Variants in USO1 observed in about 807,000 individuals in gnomAD.
USO1 encodes USO1 vesicle transport factor.
Under a neutral mutation model 124.5 loss-of-function variants are expected in USO1, and 57 were observed. That is an observed-to-expected ratio of 0.46 (90% CI 0.37 to 0.57). The LOEUF is 0.57. USO1 is among the 20% of genes least tolerant of loss of function. The pLI, the probability that USO1 is intolerant of heterozygous loss-of-function variation, is 0.00. For missense variants in USO1, 900 were observed against 1,040.6 expected (o/e 0.86, Z 1.86); for synonymous variants, 369 against 362.8 (o/e 1.02, Z -0.19).
At chr4:75,800,987 A>G (rs1275643083) in intron 16 of USO1, 92 bp from the exon 17 acceptor site, 10 of 1,375,452 alleles carry the variant, frequency 7.3e-6, no homozygotes, top group South Asian at 3.1e-5. Flanking sequence ...CTTACCTATC[A>G]TGGAGTTAGG....
rs543121342 is a variant in USO1, at chr4:75,758,306, C to T, written c.295+733C>T. Among the ~76,000 whole-genome samples the T allele has an allele frequency of 1.1e-4, 17 of 152,102 alleles. No homozygotes were observed. In the East Asian group the frequency reaches 1.3e-3, roughly 12 times the overall value. On this transcript the variant is annotated intron_variant, in intron 4 of 23. Coordinates refer to ENST00000514213, the MANE Select transcript of USO1 (RefSeq NM_003715.4). Reference sequence around the variant, plus strand: ...TATCAAATTGGCTGTTACAGTAGGACGTAGTAGATTTTTCATTATTCTGTA... The same window carrying T: ...TATCAAATTGGCTGTTACAGTAGGATGTAGTAGATTTTTCATTATTCTGTA...
At chr4:75,802,973 A>G (rs1237146015) in intron 17 of USO1, among the ~76,000 whole-genome samples, 1 of 149,716 alleles carries the variant, frequency 6.7e-6, no homozygotes, top group Non-Finnish European at 1.5e-5. Context: ...AATCCCAGCT[A>G]CTCAGGAGGA....
chr4:75,747,602 CTTTTTTTTTTTTT>C (rs59636038), intron 1 of USO1, among the ~76,000 whole-genome samples: 2 of 83,684 alleles, frequency 2.4e-5, no homozygotes, highest in East Asian at 3.2e-4. Context: ...TCACCTTTGA[CTTTTTTTTTTTTT>C]TTTTTTTTTT....
At chr4:75,744,098 G>A (rs1326171563) in intron 1 of USO1, among the ~76,000 whole-genome samples, 1 of 151,852 alleles carries the variant, frequency 6.6e-6, no homozygotes, top group Non-Finnish European at 1.5e-5. Flanking sequence ...TTTTTTATTA[G>A]ATCCAACAGC....
intron 7 of USO1, among the ~76,000 whole-genome samples, chr4:75,774,121 A>C (rs1176395161): frequency 1.3e-5 from 2 of 152,186 alleles, no homozygotes; most frequent in Non-Finnish European, 2.9e-5. Flanking sequence ...GGCTGCTGTG[A>C]ATTGTCTTGT....
intron 4 of USO1, among the ~76,000 whole-genome samples, chr4:75,759,245 C>T (rs374851481): frequency 0.051 from 581 of 11,484 alleles, 12 homozygotes; most frequent in African/African-American, 0.19. Context: ...TTATTAAGGA[C>T]CTTTTTTTTT....
At chr4:75,802,183 A>C (rs1722870056) in intron 17 of USO1, among the ~76,000 whole-genome samples, 1 of 152,234 alleles carries the variant, frequency 6.6e-6, no homozygotes, top group African/African-American at 2.4e-5. Flanking sequence ...ATTCATTCTA[A>C]GCTTTTCAGT....
At chr4:75,810,675 C>A in intron 22 of USO1, 136 bp downstream of exon 22, 1 of 1,110,418 alleles carries the variant, frequency 9.0e-7, no homozygotes, top group Non-Finnish European at 1.2e-6. Context: ...ATTTTCACTC[C>A]TATATTGATG....
intron 1 of USO1, among the ~76,000 whole-genome samples, chr4:75,726,119 T>C (rs1375587287): frequency 6.6e-6 from 1 of 152,020 alleles, no homozygotes; most frequent in African/African-American, 2.4e-5. Flanking sequence ...CCGTCTCTAC[T>C]AAAAATACAG....
intron 7 of USO1, among the ~76,000 whole-genome samples, chr4:75,772,002 A>G (rs1380518005): frequency 6.6e-6 from 1 of 152,194 alleles, no homozygotes; most frequent in East Asian, 1.9e-4. Context: ...TGTCTTACTC[A>G]TCTTTTTATT....
chr4:75,790,437 T>A (rs1374603238), intron 11 of USO1, among the ~76,000 whole-genome samples, 199 bp downstream of exon 11: 2 of 152,346 alleles, frequency 1.3e-5, no homozygotes, highest in Non-Finnish European at 1.5e-5. Flanking sequence ...GATTCAGATA[T>A]CATGTCGTCC....
intron 4 of USO1, among the ~76,000 whole-genome samples, chr4:75,766,153 T>C (rs187265068): frequency 1.3e-5 from 2 of 152,268 alleles, no homozygotes; most frequent in East Asian, 3.9e-4. Flanking sequence ...CATATAACTT[T>C]TATGAGAAAG....
intron 9 of USO1, among the ~76,000 whole-genome samples, chr4:75,785,804 G>A (rs2149177617): frequency 6.6e-6 from 1 of 152,148 alleles, no homozygotes; most frequent in Admixed American, 6.5e-5. Context: ...AGAATTATTT[G>A]TGGTACAATT....
At chr4:75,725,750 A>G (rs541462567) in intron 1 of USO1, among the ~76,000 whole-genome samples, 1 of 152,190 alleles carries the variant, frequency 6.6e-6, no homozygotes, top group East Asian at 1.9e-4. Context: ...TTTGAAATAA[A>G]CTTTTTATTT....
At chr4:75,787,237 A>T in intron 10 of USO1, 35 bp downstream of exon 10, 4 of 1,428,984 alleles carry the variant, frequency 2.8e-6, no homozygotes, top group Non-Finnish European at 3.7e-6. Flanking sequence ...ACTCTGTGGA[A>T]GTTGAAATCC....
At chr4:75,728,123 GAC>G (rs1281586822) in intron 1 of USO1, among the ~76,000 whole-genome samples, 1 of 152,072 alleles carries the variant, frequency 6.6e-6, no homozygotes, top group Non-Finnish European at 1.5e-5. Context: ...ACTTTTTAAA[GAC>G]TAGAAACTGA....
intron 13 of USO1, 117 bp from the exon 14 acceptor site, chr4:75,799,505 T>A: frequency 8.6e-7 from 1 of 1,162,932 alleles, no homozygotes; most frequent in Non-Finnish European, 1.2e-6. Flanking sequence ...GATTTCTGGC[T>A]CATCTCTTGT....
chr4:75,793,875 C>G lies in USO1; in HGVS notation c.1426C>G (p.Gln476Glu), dbSNP rs766430145. 1 of 1,613,930 alleles carries G rather than the reference C, an allele frequency of 6.2e-7. No homozygotes were observed. The highest frequency in any genetic ancestry group is 8.5e-7 in the Non-Finnish European group (1 of 1,179,856). The change falls in exon 13 of 24, where the codon CAA becomes GAA. Residue 476 changes from glutamine (Q) to glutamate (E), a missense_variant. Gln to Glu is a conservative substitution (Grantham distance 29, BLOSUM62 2). Transcript: ENST00000514213. ...SIGNPPVSLL[Q>E]QCTNILSQGS... ...TGGCAACCCTCCAGTTTCTTTACTTCAACAGTGCACCAATATTCTTTCACA... is the reference window on the plus strand; with the variant it reads ...TGGCAACCCTCCAGTTTCTTTACTTGAACAGTGCACCAATATTCTTTCACA...
chr4:75,726,466 G>A (rs535573833), intron 1 of USO1, among the ~76,000 whole-genome samples: 19 of 151,728 alleles, frequency 1.3e-4, no homozygotes, highest in Admixed American at 1.2e-3. Flanking sequence ...TAGTCGCAGT[G>A]ACACAGGCCT....
Sources: gnomAD v4.1 joint callset for allele counts (sites outside exome capture counted in the v4.1 genomes callset) on GRCh38, gnomAD v4.1.1 for gene constraint, MANE v1.5 for transcripts, NCBI Gene and HGNC (gene_info 2026-07-23, HGNC 2026-07-21) for gene names.